SH3D19: variants seen among roughly 807,000 people sequenced by gnomAD.
SH3D19 encodes SH3 domain containing 19, also known as SH3 domain-containing protein 19.
A neutral mutation model predicts 112.1 loss-of-function variants in SH3D19; 58 were observed. That is an observed-to-expected ratio of 0.52 (90% CI 0.42 to 0.64). The LOEUF is 0.64. Ranked by LOEUF, SH3D19 falls within the 30% of genes least tolerant of loss-of-function variation. SH3D19 has a pLI of 0.00. For synonymous variants in SH3D19, 391 were observed against 448.5 expected, an observed-to-expected ratio of 0.87 and a Z score of 1.62; for missense variants, 1,090 against 1,263.4, an observed-to-expected ratio of 0.86 and a Z score of 2.08.
intron 1 of SH3D19, among the ~76,000 whole-genome samples, chr4:151,314,997 A>G (rs1251934437): frequency 1.3e-5 from 2 of 152,086 alleles, no homozygotes; most frequent in East Asian, 3.9e-4. Flanking sequence ...CTTGTATCTC[A>G]TTAACAGGCT....
intron 10 of SH3D19, 124 bp from the exon 11 acceptor site, chr4:151,148,310 T>C (rs1754305203): frequency 2.0e-6 from 2 of 1,012,860 alleles, no homozygotes; most frequent in East Asian, 2.5e-5. Context: ...TTTCTGCTAG[T>C]GGAATACAGT....
chr4:151,193,267 TTTG>T (rs1452366796), intron 2 of SH3D19, among the ~76,000 whole-genome samples: 2 of 143,454 alleles, frequency 1.4e-5, no homozygotes, highest in African/African-American at 2.6e-5. Flanking sequence ...TTAAAATAGG[TTTG>T]TTTTTTTTTT....
chr4:151,183,833 G>A (rs1001344164), intron 3 of SH3D19, among the ~76,000 whole-genome samples: 5 of 152,226 alleles, frequency 3.3e-5, no homozygotes, highest in African/African-American at 9.6e-5. Flanking sequence ...CGTCTGTGGA[G>A]TGGAAAGCTC....
intron 8 of SH3D19, among the ~76,000 whole-genome samples, chr4:151,162,966 T>C (rs1292871255): frequency 6.6e-6 from 1 of 152,236 alleles, no homozygotes; most frequent in African/African-American, 2.4e-5. Flanking sequence ...ATATGGTTTA[T>C]GCTGAACATC....
At chr4:151,282,263 A>G in intron 1 of SH3D19, 1 of 1,614,002 alleles carries the variant, frequency 6.2e-7, no homozygotes, top group Non-Finnish European at 8.5e-7. Flanking sequence ...GTACCAAGAT[A>G]CAACGGCAGA....
At chr4:151,265,975 C>A (rs1336404941) in intron 1 of SH3D19, 2 of 152,070 alleles carry the variant, frequency 1.3e-5, no homozygotes, top group Admixed American at 6.6e-5. Context: ...ATTGCCCACC[C>A]CTTGCCCACA....
chr4:151,250,362 T>C (rs1313053273), intron 1 of SH3D19, among the ~76,000 whole-genome samples: 1 of 152,162 alleles, frequency 6.6e-6, no homozygotes, highest in Non-Finnish European at 1.5e-5. Flanking sequence ...AAAAGTTAAG[T>C]TGCATGTAGA....
chr4:151,150,204 A>T (rs866800364), intron 9 of SH3D19, among the ~76,000 whole-genome samples: 2 of 59,040 alleles, frequency 3.4e-5, no homozygotes, highest in Non-Finnish European at 3.8e-5. Flanking sequence ...AAAAAAAAAA[A>T]AAATATATAT....
At chr4:151,217,199 G>A (rs1767272041) in intron 2 of SH3D19, among the ~76,000 whole-genome samples, 1 of 152,116 alleles carries the variant, frequency 6.6e-6, no homozygotes, top group African/African-American at 2.4e-5. Context: ...CCCCAGCAGA[G>A]CATGGTATTT....
intron 1 of SH3D19, among the ~76,000 whole-genome samples, chr4:151,243,666 A>T (rs1256796111): frequency 6.6e-6 from 1 of 152,258 alleles, no homozygotes; most frequent in Non-Finnish European, 1.5e-5. Context: ...TTGAAAACTG[A>T]AACAGACCAT....
At chr4:151,213,673 TTAATTA>T (rs1357190505) in intron 2 of SH3D19, among the ~76,000 whole-genome samples, 52 of 149,092 alleles carry the variant, frequency 3.5e-4, no homozygotes, top group Non-Finnish European at 5.8e-4. Context: ...TATGAATTAA[TTAATTA>T]ATTAATTAAT....
intron 2 of SH3D19, among the ~76,000 whole-genome samples, chr4:151,215,831 CCTTTT>C (rs1766972288): frequency 6.6e-6 from 1 of 150,974 alleles, no homozygotes; most frequent in Non-Finnish European, 1.5e-5. Flanking sequence ...AAGGGTTTTA[CCTTTT>C]TTTTTTTTTG....
chr4:151,298,330 G>A (rs976925305), intron 1 of SH3D19, among the ~76,000 whole-genome samples: 3 of 151,496 alleles, frequency 2.0e-5, no homozygotes, highest in Non-Finnish European at 4.4e-5. Flanking sequence ...GGCACCCGCC[G>A]CCATGCCCAG....
chr4:151,318,515 G>A (rs1358583865), intron 1 of SH3D19, among the ~76,000 whole-genome samples: 1 of 152,076 alleles, frequency 6.6e-6, no homozygotes, highest in East Asian at 1.9e-4. Context: ...TGACACTGCA[G>A]ATTTACCTTC....
intron 14 of SH3D19, among the ~76,000 whole-genome samples, chr4:151,137,140 A>C (rs1752039343): frequency 6.6e-6 from 1 of 152,228 alleles, no homozygotes; most frequent in East Asian, 1.9e-4. Context: ...ATGCTTTCAC[A>C]AGTTAGGCCG....
intron 1 of SH3D19, chr4:151,282,185 T>A: frequency 6.2e-7 from 1 of 1,613,898 alleles, no homozygotes; most frequent in Non-Finnish European, 8.5e-7. Context: ...GTGGCTAGGA[T>A]CGATTACAGT....
intron 8 of SH3D19, among the ~76,000 whole-genome samples, chr4:151,162,766 G>A (rs912900596): frequency 1.3e-5 from 2 of 151,862 alleles, no homozygotes; most frequent in African/African-American, 4.8e-5. Context: ...GTAGAGATGG[G>A]GTTTCACTAT....
chr4:151,188,380 T>C (rs910567249), intron 2 of SH3D19, among the ~76,000 whole-genome samples: 2 of 152,178 alleles, frequency 1.3e-5, no homozygotes, highest in African/African-American at 4.8e-5. Context: ...TAATATAAGG[T>C]AGAGGCGGAA....
intron 1 of SH3D19, among the ~76,000 whole-genome samples, chr4:151,281,478 G>A (rs2150008208): frequency 6.6e-6 from 1 of 152,264 alleles, no homozygotes; most frequent in South Asian, 2.1e-4. Flanking sequence ...GGGGTAGACA[G>A]CGATGTGTAA....
Sources: allele counts gnomAD v4.1 joint callset (sites outside exome capture counted in the v4.1 genomes callset), GRCh38; gene constraint gnomAD v4.1.1; transcripts MANE v1.5; gene names NCBI Gene and HGNC (gene_info 2026-07-23, HGNC 2026-07-21).